Variants in ABCG2 observed in about 807,000 individuals in gnomAD.
ABCG2 encodes the protein ATP binding cassette subfamily G member 2 (JR blood group).
A neutral mutation model predicts 73.5 loss-of-function variants in ABCG2; 80 were observed. The observed-to-expected ratio is 1.09, with a 90% CI of 0.91 to 1.31. ABCG2 has a LOEUF of 1.31. Ranked by LOEUF, ABCG2 falls within the 50% of genes most tolerant of loss-of-function variation. The probability of loss-of-function intolerance (pLI) is 0.00; values close to 1 mark genes in which losing one functional copy is unlikely to be tolerated. For missense variants in ABCG2, 796 were observed against 786.2 expected (o/e 1.01, Z -0.15); for synonymous variants, 269 against 282.4 (o/e 0.95, Z 0.48).
chr4:88,217,916 T>C (rs1237044019), intron 1 of ABCG2, among the ~76,000 whole-genome samples: 4 of 150,104 alleles, frequency 2.7e-5, no homozygotes, highest in Admixed American at 6.7e-5. Flanking sequence ...CAGTGAGCTA[T>C]GATCATGCCA....
chr4:88,124,959 G>C (rs1041652465), intron 5 of ABCG2, among the ~76,000 whole-genome samples: 1 of 152,156 alleles, frequency 6.6e-6, no homozygotes, highest in African/African-American at 2.4e-5. Flanking sequence ...CCAACAGTCT[G>C]TCAGACCACA....
chr4:88,205,108 C>G (rs962707136), intron 1 of ABCG2, among the ~76,000 whole-genome samples: 1 of 152,192 alleles, frequency 6.6e-6, no homozygotes, highest in Non-Finnish European at 1.5e-5. Flanking sequence ...TCCTGAAGTA[C>G]GTCTACCAAC....
At chr4:88,228,059 A>G (rs1730302019) in intron 1 of ABCG2, among the ~76,000 whole-genome samples, 1 of 152,226 alleles carries the variant, frequency 6.6e-6, no homozygotes, top group African/African-American at 2.4e-5. Context: ...GAAGGTTGTG[A>G]AAAATCAAGG....
intron 11 of ABCG2, 111 bp downstream of exon 11, chr4:88,101,119 G>T: frequency 2.6e-6 from 2 of 762,290 alleles, no homozygotes. Flanking sequence ...ATTTTAAAAA[G>T]TACTGGTAAT....
chr4:88,138,348 T>C (rs1379876251), intron 2 of ABCG2, among the ~76,000 whole-genome samples: 2 of 152,156 alleles, frequency 1.3e-5, no homozygotes, highest in African/African-American at 4.8e-5. Context: ...AGAGAAAGAT[T>C]TGTCCTAAGT....
At chr4:88,127,263 TAA>T (rs1407034191) in intron 5 of ABCG2, among the ~76,000 whole-genome samples, 3 of 151,684 alleles carry the variant, frequency 2.0e-5, no homozygotes, top group Non-Finnish European at 4.4e-5. Context: ...ACAAAGGAAA[TAA>T]GAGAGTACAC....
chr4:88,154,781 G>A (rs1450042084), intron 1 of ABCG2, among the ~76,000 whole-genome samples: 1 of 152,162 alleles, frequency 6.6e-6, no homozygotes, highest in Non-Finnish European at 1.5e-5. Flanking sequence ...GAGGAGCCGG[G>A]GAGCAGAAAG....
At chr4:88,209,639 T>G (rs1184061363) in intron 1 of ABCG2, among the ~76,000 whole-genome samples, 3 of 151,644 alleles carry the variant, frequency 2.0e-5, no homozygotes, top group African/African-American at 7.3e-5. Context: ...CCTGGCTGGG[T>G]GAGAGCAAGA....
intron 1 of ABCG2, among the ~76,000 whole-genome samples, chr4:88,203,339 A>G (rs1578275743): frequency 6.6e-6 from 1 of 152,330 alleles, no homozygotes; most frequent in African/African-American, 2.4e-5. Context: ...GCTGAATTCA[A>G]TGATCCAGGG....
intron 5 of ABCG2, among the ~76,000 whole-genome samples, chr4:88,126,494 A>G (rs1372222227): frequency 1.3e-5 from 2 of 152,218 alleles, no homozygotes; most frequent in African/African-American, 2.4e-5. Flanking sequence ...TTTCAGGCCA[A>G]TATCCCTGAT....
At chr4:88,171,074 C>T (rs1212116563) in intron 1 of ABCG2, among the ~76,000 whole-genome samples, 2 of 152,026 alleles carry the variant, frequency 1.3e-5, no homozygotes, top group African/African-American at 4.8e-5. Flanking sequence ...AGGATGAGAA[C>T]TCATGAACAC....
chr4:88,115,144 G>C, intron 7 of ABCG2, 86 bp from the exon 8 acceptor site: 1 of 823,912 alleles, frequency 1.2e-6, no homozygotes, highest in Non-Finnish European at 2.0e-6. Flanking sequence ...GGGAGGTAAG[G>C]CTAGAGAAGA....
chr4:88,202,939 G>C (rs1330679612), intron 1 of ABCG2, among the ~76,000 whole-genome samples: 1 of 152,102 alleles, frequency 6.6e-6, no homozygotes, highest in Admixed American at 6.6e-5. Flanking sequence ...TAGTAGCACA[G>C]AACTTTCTGT....
chr4:88,121,597 A>T, intron 6 of ABCG2, 38 bp downstream of exon 6: 1 of 1,592,348 alleles, frequency 6.3e-7, no homozygotes, highest in Non-Finnish European at 8.6e-7. Context: ...AGTAGTGATA[A>T]GATATTAACT....
At chr4:88,215,111 G>T (rs1254414218) in intron 1 of ABCG2, among the ~76,000 whole-genome samples, 1 of 152,100 alleles carries the variant, frequency 6.6e-6, no homozygotes, top group Non-Finnish European at 1.5e-5. Flanking sequence ...GGAAAAAAAA[G>T]AGAGTTGCAT....
At position 88,092,212 on chromosome 4, in the gene ABCG2, T is replaced by A; in HGVS notation, c.*22A>T. ...TGCTTCTTTTTTATGTGAGGATAAATCATACTGAATTAAGGGGAAATTTAA... is the reference window on the plus strand; with the variant it reads ...TGCTTCTTTTTTATGTGAGGATAAAACATACTGAATTAAGGGGAAATTTAA... On this transcript the variant is annotated 3_prime_UTR_variant, in exon 16 of 16. Coordinates refer to ENST00000237612, the MANE Select transcript of ABCG2 (RefSeq NM_004827.3). The A allele has an allele frequency of 6.3e-7, 1 of 1,582,856 alleles. No individual in the cohort carries two copies. Among genetic ancestry groups the A allele is most frequent in the African/African-American group, 1.4e-5 (1 of 73,264 alleles).
At chr4:88,152,718 G>A (rs549387305) in intron 1 of ABCG2, among the ~76,000 whole-genome samples, 1 of 152,274 alleles carries the variant, frequency 6.6e-6, no homozygotes, top group Admixed American at 6.5e-5. Context: ...CTTGGGCTCA[G>A]AGGCCTGACA....
intron 1 of ABCG2, among the ~76,000 whole-genome samples, chr4:88,228,475 G>A (rs572332634): frequency 2.0e-5 from 3 of 152,316 alleles, no homozygotes; most frequent in African/African-American, 4.8e-5. Flanking sequence ...CCTGCCATCC[G>A]CTGTTGGGTG....
At chr4:88,175,482 AC>A (rs779613488) in intron 1 of ABCG2, among the ~76,000 whole-genome samples, 17 of 152,332 alleles carry the variant, frequency 1.1e-4, no homozygotes, top group Admixed American at 2.0e-4. Context: ...GAATTTGTTC[AC>A]CTCAAGGTCC....
Sources: allele counts gnomAD v4.1 joint callset (sites outside exome capture counted in the v4.1 genomes callset), GRCh38; gene constraint gnomAD v4.1.1; transcripts MANE v1.5; gene names NCBI Gene and HGNC (gene_info 2026-07-23, HGNC 2026-07-21).